Variants in SLC49A3 observed in about 807,000 individuals in gnomAD.
SLC49A3 encodes solute carrier family 49 member 3, also known as solute carrier family 49 member A3.
A neutral mutation model predicts 43.8 loss-of-function variants in SLC49A3; 50 were observed. The ratio of observed to expected loss-of-function variants is 1.14; its 90% CI spans 0.91 to 1.45. The LOEUF (loss-of-function observed/expected upper bound fraction) is 1.45. Among genes scored for constraint, SLC49A3 ranks in the 40% most tolerant of loss-of-function variants. The pLI, the probability that SLC49A3 is intolerant of heterozygous loss-of-function variation, is 0.00. For synonymous variants in SLC49A3, 413 were observed against 352.0 expected (o/e 1.17, Z -1.94); for missense variants, 906 against 774.1 (o/e 1.17, Z -2.02).
upstream of SLC49A3, chr4:689,399 C>G (rs1194567693): frequency 3.6e-6 from 1 of 274,524 alleles, no homozygotes; most frequent in Non-Finnish European, 6.8e-6. Context: ...AACCGAATGT[C>G]CCTTCCGGGA....
At chr4:688,801 C>G (rs1358109133) in intron 1 of SLC49A3, 192 bp downstream of exon 1, 5 of 888,190 alleles carry the variant, frequency 5.6e-6, no homozygotes, top group Non-Finnish European at 7.9e-6. Context: ...CAGCCCTGCT[C>G]TGTGCCCTGG....
At chr4:678,102 C>A (rs1277728681), downstream of SLC49A3, 1 of 1,587,412 alleles carries the variant, frequency 6.3e-7, no homozygotes, top group Non-Finnish European at 8.5e-7. Context: ...TACATGCGCA[C>A]AGACGAGCGT....
In SLC49A3 at chr4:682,849, A is replaced by C; in HGVS notation, c.1193T>G (p.Leu398Arg). The change falls in exon 9 of 10, where the codon CTG (leucine) becomes CGG (arginine). Residue 398 changes from leucine to arginine, a missense_variant. Transcript: ENST00000322224. ...GILIMLAMTA[L>R]TVRRSEPSLS... ...GGACGGCTCCGAGCGTCGCACAGTC[A>C]GTGCCGTCATTGCCAGCATGATGAG... 6.2e-7 allele frequency: 1 copy of C among 1,604,776 alleles called. No individual in the cohort carries two copies. Among genetic ancestry groups the C allele is most frequent in the Non-Finnish European group, 8.5e-7 (1 of 1,174,342 alleles).
At chr4:678,943 G>C, downstream of SLC49A3, 9 of 1,613,648 alleles carry the variant, frequency 5.6e-6, no homozygotes, top group Non-Finnish European at 6.8e-6. Flanking sequence ...CAGCAGCCCT[G>C]ACCTTGGTCC....
rs755096552 is a variant in SLC49A3 at position 682,172 on chromosome 4, G to A, written c.1466C>T (p.Pro489Leu). The A allele has an allele frequency of 7.4e-6, 10 of 1,353,240 alleles. No individual in the cohort carries two copies. The highest frequency in any genetic ancestry group is 2.8e-4 in the Middle Eastern group (1 of 3,600). The allele number at this position is 1,353,240 out of a possible 1,614,324, so 83.8% of individuals were successfully genotyped here. A position where few individuals can be genotyped will look rare whatever the true frequency, so the allele number is the denominator to read the frequency against. Residue 489 changes from proline to leucine, a missense_variant, in exon 10 of 10, where the codon CCG becomes CTG. Transcript: ENST00000322224. ...CGAGGCCCCCCTCGCCGTGCACTCC[G>A]GAGTCGCCGTGCTGGGCCCCAGGAC... The part of the protein sequence containing the change: ...AGVLGPSTAT[P>L]ECTARGASLE...
At chr4:689,831 G>T (rs1415237795), upstream of SLC49A3, among the ~76,000 whole-genome samples, 8 of 152,256 alleles carry the variant, frequency 5.3e-5, no homozygotes, top group Non-Finnish European at 1.2e-4. Flanking sequence ...CCTGTGTGTT[G>T]GAAGGCAGAG....
chr4:684,668 C>G, intron 5 of SLC49A3, 51 bp downstream of exon 5: 1 of 1,606,530 alleles, frequency 6.2e-7, no homozygotes, highest in Non-Finnish European at 8.5e-7. Context: ...TCCTCAGCCT[C>G]TTGCCCCCAC....
At position 682,016 on chromosome 4, in the gene SLC49A3, C is replaced by A; in HGVS notation, c.1622G>T (p.Arg541Met). ...GTGAGACCCAGCCGGGTCAATAAAC[C>A]TGGACGCTTGGACCCTGCCTGCGAG... ...GRLAGRVQAS[R>M]FIDPAGSHSS... The change falls in exon 10 of 10, where the codon AGG becomes ATG. Residue 541 changes from arginine (R) to methionine (M), a missense_variant. Physicochemically the swap from Arg to Met is moderately conservative, Grantham distance 91. Transcript: ENST00000322224. 2 of 1,428,138 alleles carry A rather than the reference C, an allele frequency of 1.4e-6. No individual in the cohort carries two copies. Among genetic ancestry groups the A allele is most frequent in the Non-Finnish European group, 1.9e-6 (2 of 1,077,118 alleles). The allele number at this position is 1,428,138 out of a possible 1,614,324, so 88.5% of individuals were successfully genotyped here. A position where few individuals can be genotyped will look rare whatever the true frequency, so the allele number is the denominator to read the frequency against.
rs758247228 is a variant in SLC49A3, at chr4:682,258, G to C, written c.1380C>G (p.Asn460Lys). The change falls in exon 10 of 10, where the codon AAC becomes AAG. Residue 460 changes from asparagine (N) to lysine (K), a missense_variant. Coordinates refer to ENST00000322224, the MANE Select transcript of SLC49A3 (RefSeq NM_032219.4). Reference sequence around the variant, plus strand: ...GCCCTGAGTCTGCGCCGCCCACGGCGTTACGGGTGGAGGGGGGCTCCCCAG... The same window carrying C: ...GCCCTGAGTCTGCGCCGCCCACGGCCTTACGGGTGGAGGGGGGCTCCCCAG... ...AESGEPPSTRNAVGGADSGPG... is the reference protein window; with the variant it reads ...AESGEPPSTRKAVGGADSGPG... 1.4e-6 allele frequency: 2 copies of C among 1,379,764 alleles called. No homozygotes were observed. The highest frequency in any genetic ancestry group is 3.7e-5 in the South Asian group (2 of 54,648). The allele number at this position is 1,379,764 out of a possible 1,614,324, so 85.5% of individuals were successfully genotyped here.
chr4:688,899 C>T, intron 1 of SLC49A3, 94 bp downstream of exon 1: 1 of 1,466,510 alleles, frequency 6.8e-7, no homozygotes, highest in Non-Finnish European at 9.0e-7. Flanking sequence ...CAGCCAGCAC[C>T]TGGCACCTCG....
chr4:688,823 T>TC (rs1741554752), intron 1 of SLC49A3, 170 bp downstream of exon 1: 1 of 1,151,590 alleles, frequency 8.7e-7, no homozygotes, highest in East Asian at 3.2e-5. Flanking sequence ...CCCAGCCACC[T>TC]CCAGGACAGA....
At chr4:680,953 C>A, downstream of SLC49A3, 1 of 975,952 alleles carries the variant, frequency 1.0e-6, no homozygotes. Flanking sequence ...AAGGGACCTG[C>A]CCCAGGGCCA....
Position 682,682 on chromosome 4 carries a change from T to C in SLC49A3, c.1261+99A>G, listed in dbSNP as rs73792338. ...CGTGGTGCTCACCTGTCCTGCTGTT[T>C]AGGGCTCCCCACGTAGGGTTCACCT... On this transcript the variant is annotated intron_variant, in intron 9 of 9. Coordinates refer to ENST00000322224, the MANE Select transcript of SLC49A3 (RefSeq NM_032219.4). 2,680 of 987,316 alleles carry C rather than the reference T, an allele frequency of 2.7e-3. 51 individuals carry two copies. In the African/African-American group the frequency reaches 0.039, roughly 14 times the overall value. 61.2% of individuals were successfully genotyped at this position (987,316 alleles called of 1,614,324 possible). A position where few individuals can be genotyped will look rare whatever the true frequency, so the allele number is the denominator to read the frequency against.
At position 681,859 on chromosome 4, in the gene SLC49A3, AGCCCGCAAGGAGCCCTTTCGCCCCC is replaced by A. The variant is rs1739723432; in HGVS notation, c.*74_*98del. The A allele has an allele frequency of 7.7e-7, 1 of 1,306,110 alleles. No individual in the cohort carries two copies. 80.9% of individuals were successfully genotyped at this position (1,306,110 alleles called of 1,614,324 possible). The stretch of plus-strand genomic sequence containing the variant: ...GTGCGCGCTTGTAATTCGCTCCCGG[AGCCCGCAAGGAGCCCTTTCGCCCCC>A]GCCCGCAGGTGGACCAGATGTTCCA... On this transcript the variant is annotated 3_prime_UTR_variant, in exon 10 of 10. Transcript: ENST00000322224.
At chr4:683,448 C>G (rs146097779) in intron 7 of SLC49A3, 81 bp from the exon 8 acceptor site, 1 of 1,535,306 alleles carries the variant, frequency 6.5e-7, no homozygotes, top group African/African-American at 1.4e-5. Context: ...ACATGGGACA[C>G]GGGGCAGGAG....
chr4:689,761 A>G (rs1741716473), upstream of SLC49A3, among the ~76,000 whole-genome samples: 1 of 152,204 alleles, frequency 6.6e-6, no homozygotes, highest in Non-Finnish European at 1.5e-5. Context: ...GCATTTTACA[A>G]TGGAGGACAC....
In SLC49A3 at chr4:682,900, C is replaced by A; in HGVS notation, c.1152-10G>T. The A allele has an allele frequency of 1.9e-6, 3 of 1,577,112 alleles. No individual in the cohort carries two copies. The highest frequency in any genetic ancestry group is 2.6e-6 in the Non-Finnish European group (3 of 1,157,892). On this transcript the variant is annotated splice_polypyrimidine_tract_variant and intron_variant, in intron 8 of 9. Transcript: ENST00000322224. ...TATTCCCTCGGCCTGCCTGGACACA[C>A]GTGGCCCTCAGCCCCCGCTGCACTG...
In SLC49A3 at chr4:683,177, C is replaced by T. The variant is rs370532025; in HGVS notation, c.1151+33G>A. 1.0e-4 allele frequency: 161 copies of T among 1,612,416 alleles called. No homozygotes were observed. The African/African-American group carries it at 1.9e-3, about 19-fold the overall frequency. Reference sequence around the variant, plus strand: ...TAGGGGTGGAGCAAGGGGAGTATCTCTGGGGTTGCAGCAGGGGCAGATGGA... The same window carrying T: ...TAGGGGTGGAGCAAGGGGAGTATCTTTGGGGTTGCAGCAGGGGCAGATGGA... On this transcript the variant is annotated intron_variant, in intron 8 of 9. Transcript: ENST00000322224.
At chr4:677,915 C>G (rs1042473134), downstream of SLC49A3, 1 of 1,588,280 alleles carries the variant, frequency 6.3e-7, no homozygotes, top group African/African-American at 1.3e-5. Flanking sequence ...CAAGCCTGTC[C>G]TTGTAGGGAG....
Sources: gnomAD v4.1 joint callset for allele counts (sites outside exome capture counted in the v4.1 genomes callset) on GRCh38, gnomAD v4.1.1 for gene constraint, MANE v1.5 for transcripts, NCBI Gene and HGNC (gene_info 2026-07-23, HGNC 2026-07-21) for gene names.